TTC38: variants seen among roughly 807,000 people sequenced by gnomAD.
The protein encoded by TTC38 is tetratricopeptide repeat protein 38.
In TTC38, 64 loss-of-function variants were observed where a neutral mutation model predicts 64.2. The observed-to-expected ratio is 1.00, with a 90% CI of 0.81 to 1.23. The LOEUF is 1.23. Among genes scored for constraint, TTC38 ranks in the 50% most tolerant of loss-of-function variants. The pLI is 0.00. For missense variants in TTC38, 573 were observed against 615.5 expected (o/e 0.93, Z 0.73); for synonymous variants, 254 against 249.3 (o/e 1.02, Z -0.18).
Position 46,281,796 on chromosome 22 carries a change from A to G in TTC38, c.735+78A>G. ...GAGTCAGGCCAAGGCTTTATGGACA[A>G]GAGTTACAGGGCATGGCTTAATTCT... On this transcript the variant is annotated intron_variant, in intron 7 of 13. Transcript: ENST00000381031. The surrounding 1 kb of genome is among the most constrained non-coding windows in gnomAD (Gnocchi z 5.2). 1 of 1,588,152 alleles carries G rather than the reference A, an allele frequency of 6.3e-7. No individual in the cohort carries two copies. The highest frequency in any genetic ancestry group is 1.3e-5 in the African/African-American group (1 of 74,576).
chr22:46,289,119 C>T (rs774090377), intron 11 of TTC38, among the ~76,000 whole-genome samples: 18 of 152,224 alleles, frequency 1.2e-4, no homozygotes, highest in Admixed American at 2.6e-4. Flanking sequence ...GCAATCCTGA[C>T]GGTTCTGTTA....
intron 6 of TTC38, among the ~76,000 whole-genome samples, chr22:46,280,659 A>G (rs1006910677): frequency 8.5e-5 from 13 of 152,218 alleles, no homozygotes; most frequent in African/African-American, 2.9e-4. Context: ...GGCTGGGCCC[A>G]CAAAAGCTGA....
chr22:46,280,799 T>G (rs2077528543), intron 6 of TTC38, among the ~76,000 whole-genome samples: 1 of 152,084 alleles, frequency 6.6e-6, no homozygotes, highest in Admixed American at 6.5e-5. Context: ...ACTGAGGCAG[T>G]GGGGCTGGCG....
At chr22:46,280,169 G>A (rs1202730171) in intron 6 of TTC38, 3 of 471,142 alleles carry the variant, frequency 6.4e-6, no homozygotes, top group African/African-American at 6.0e-5. Context: ...TGGGCTCTGT[G>A]TCTGCAGCCC....
At chr22:46,283,014 G>A (rs763516667) in intron 7 of TTC38, among the ~76,000 whole-genome samples, 71 of 152,066 alleles carry the variant, frequency 4.7e-4, no homozygotes, top group Non-Finnish European at 9.1e-4. Flanking sequence ...CCGCAGCCTC[G>A]ACCGCCTGGG....
intron 6 of TTC38, among the ~76,000 whole-genome samples, chr22:46,280,399 C>T (rs1436478847): frequency 6.6e-6 from 1 of 152,224 alleles, no homozygotes; most frequent in Non-Finnish European, 1.5e-5. Flanking sequence ...AGTTTGGACT[C>T]CTTCCCACGG....
rs567606974 is a variant in TTC38, at chr22:46,270,775, A to G, written c.112-1560A>G. Among the ~76,000 whole-genome samples the G allele has an allele frequency of 1.3e-3, 193 of 152,264 alleles. No homozygotes were observed. The highest frequency in any genetic ancestry group is 3.4e-3 in the Middle Eastern group (1 of 294). The stretch of plus-strand genomic sequence containing the variant: ...CTTGAACCAGGGAGGTGGAGGTTGT[A>G]GTGAGCTGAGATAGTGCCACTGCCT... On this transcript the variant is annotated intron_variant, in intron 2 of 13. Transcript: ENST00000381031. The surrounding 1 kb of genome is among the most constrained non-coding windows in gnomAD (Gnocchi z 4.7).
At chr22:46,277,563 C>CCACT (rs1271098366) in intron 5 of TTC38, among the ~76,000 whole-genome samples, 2 of 143,490 alleles carry the variant, frequency 1.4e-5, no homozygotes, top group Non-Finnish European at 3.0e-5. Context: ...TGAGATTGTG[C>CCACT]CACTGCACTC....
Position 46,277,851 on chromosome 22 carries a change from G to C in TTC38, c.540-735G>C, listed in dbSNP as rs115783483. On this transcript the variant is annotated intron_variant, in intron 5 of 13. Coordinates refer to ENST00000381031, the MANE Select transcript of TTC38 (RefSeq NM_017931.4). ...TGTTGACAGCCCACAGGTCACGGAGGCTTCCCAGGGAGGTGCCCCTGGGTC... is the reference window on the plus strand; with the variant it reads ...TGTTGACAGCCCACAGGTCACGGAGCCTTCCCAGGGAGGTGCCCCTGGGTC... Among the ~76,000 whole-genome samples the C allele has an allele frequency of 5.4e-3, 819 of 152,252 alleles. 8 individuals are homozygous for C. Among genetic ancestry groups the C allele is most frequent in the African/African-American group, 0.019 (790 of 41,558 alleles).
Position 46,273,773 on chromosome 22 carries a change from C to A in TTC38, c.194-125C>A. On this transcript the variant is annotated intron_variant, in intron 3 of 13. Transcript: ENST00000381031. The surrounding 1 kb of genome is among the most constrained non-coding windows in gnomAD (Gnocchi z 5.1). ...AGACAGTAGGCAGGGCCACAGTGCC[C>A]AGCCTGCTGCTGCCTGGCTGGCCCC... The A allele has an allele frequency of 1.1e-6, 1 of 911,168 alleles. No homozygotes were observed. Among genetic ancestry groups the A allele is most frequent in the East Asian group, 2.6e-5 (1 of 38,332 alleles). The allele number at this position is 911,168 out of a possible 1,614,324, so 56.4% of individuals were successfully genotyped here.
Position 46,287,168 on chromosome 22 carries a change from C to T in TTC38, c.916+14C>T. The T allele has an allele frequency of 6.3e-7, 1 of 1,592,122 alleles. No individual in the cohort carries two copies. Among genetic ancestry groups the T allele is most frequent in the Non-Finnish European group, 8.6e-7 (1 of 1,167,066 alleles). On this transcript the variant is annotated intron_variant, in intron 10 of 13. Transcript: ENST00000381031. ...TGCAGATGGAAGGTAGCCATCCCTG[C>T]AGCCCCACTGGCTTCTGCCTCTTCC... is the stretch of plus-strand genomic sequence containing the variant.
rs1049728857 is a variant in TTC38, at chr22:46,274,618, G to A, written c.365+549G>A. On this transcript the variant is annotated intron_variant, in intron 4 of 13. Transcript: ENST00000381031. The surrounding 1 kb of genome is among the most constrained non-coding windows in gnomAD (Gnocchi z 4.8). ...TCAGGGATTCCGAACCCTGAGACTGGGGAGGTGCGGCCTGGTCTTCCTGGT... is the reference window on the plus strand; with the variant it reads ...TCAGGGATTCCGAACCCTGAGACTGAGGAGGTGCGGCCTGGTCTTCCTGGT... 6.6e-6 allele frequency among the ~76,000 whole-genome samples: 1 copy of A among 152,206 alleles called. No individual in the cohort carries two copies. The highest frequency in any genetic ancestry group is 6.5e-5 in the Admixed American group (1 of 15,280).
intron 6 of TTC38, among the ~76,000 whole-genome samples, chr22:46,280,837 T>A (rs1402574626): frequency 1.3e-5 from 2 of 152,260 alleles, no homozygotes; most frequent in African/African-American, 4.8e-5. Context: ...ATGGGGGACC[T>A]GGGCACAGGC....
At position 46,287,459 on chromosome 22, in the gene TTC38, A is replaced by G. The variant is rs577740356; in HGVS notation, c.916+305A>G. On this transcript the variant is annotated intron_variant, in intron 10 of 13. Coordinates refer to ENST00000381031, the MANE Select transcript of TTC38 (RefSeq NM_017931.4). ...TGTTCCCATGGCTGGCCTGCCTGCC[A>G]AACCTTCGGGGCACTGGTAGCACCT... Among the ~76,000 whole-genome samples, 53 of 152,372 alleles carry G rather than the reference A, an allele frequency of 3.5e-4. 1 individual carries two copies. Among genetic ancestry groups the G allele is most frequent in the Non-Finnish European group, 5.7e-4 (39 of 68,032 alleles).
At chr22:46,277,697 G>A (rs1467917690) in intron 5 of TTC38, among the ~76,000 whole-genome samples, 2 of 152,060 alleles carry the variant, frequency 1.3e-5, no homozygotes, top group Admixed American at 6.5e-5. Context: ...GGCCTGGGCT[G>A]AGGCTGAGTT....
At position 46,282,621 on chromosome 22, in the gene TTC38, C is replaced by T. The variant is rs145780670; in HGVS notation, c.735+903C>T. 4.6e-4 allele frequency among the ~76,000 whole-genome samples: 70 copies of T among 152,280 alleles called. No homozygotes were observed. Among genetic ancestry groups the T allele is most frequent in the Non-Finnish European group, 7.5e-4 (51 of 68,006 alleles). On this transcript the variant is annotated intron_variant, in intron 7 of 13. Transcript: ENST00000381031. The surrounding 1 kb of genome is among the most constrained non-coding windows in gnomAD (Gnocchi z 4.4). Reference sequence around the variant, plus strand: ...TCTGAGCCTTGCTGCGGAGGATCCTCGGGCCTCCAGATTCGGCTCTGTCAA... The same window carrying T: ...TCTGAGCCTTGCTGCGGAGGATCCTTGGGCCTCCAGATTCGGCTCTGTCAA...
In TTC38 at chr22:46,274,487, G is replaced by T. The variant is rs1188878010; in HGVS notation, c.365+418G>T. 1.3e-5 allele frequency among the ~76,000 whole-genome samples: 2 copies of T among 152,134 alleles called. No homozygotes were observed. The highest frequency in any genetic ancestry group is 4.1e-4 in the South Asian group (2 of 4,830). ...GCACTGACTTTCACATCATCCCCCC[G>T]CTGTTCCTATGCTGGTTCCCTCATT... On this transcript the variant is annotated intron_variant, in intron 4 of 13. Transcript: ENST00000381031. The surrounding 1 kb of genome is among the most constrained non-coding windows in gnomAD (Gnocchi z 4.8).
At chr22:46,288,274 C>A in intron 10 of TTC38, 149 bp from the exon 11 acceptor site, 1 of 703,698 alleles carries the variant, frequency 1.4e-6, no homozygotes, top group Non-Finnish European at 2.4e-6. Flanking sequence ...CAAGGCCAGA[C>A]GCTGCCCGTG....
Position 46,292,880 on chromosome 22 carries a change from A to G in TTC38, c.1406A>G (p.Gln469Arg), listed in dbSNP as rs768589868. The change falls in exon 14 of 14, where the codon CAG (glutamine) becomes CGG (arginine). Residue 469 changes from glutamine (Q) to arginine (R), a missense_variant. Physicochemically the swap from Gln to Arg is conservative, Grantham distance 43. This residue lies in a region of TTC38 where 371 missense variants were observed against 381.8 expected (regional missense o/e 0.97). Coordinates refer to ENST00000381031, the MANE Select transcript of TTC38 (RefSeq NM_017931.4). The surrounding 1 kb of genome is among the most constrained non-coding windows in gnomAD (Gnocchi z 6.5). The stretch of plus-strand genomic sequence containing the variant: ...AAGGCAGCTACCGTCCACCTCATGC[A>G]GTGAGCCAGCCTGGCCGCCTCCACC... ...IRKAATVHLM[Q>R] The G allele has an allele frequency of 1.9e-6, 3 of 1,612,648 alleles. No individual in the cohort carries two copies. Among genetic ancestry groups the G allele is most frequent in the East Asian group, 2.2e-5 (1 of 44,842 alleles).
Sources: allele counts gnomAD v4.1 joint callset (sites outside exome capture counted in the v4.1 genomes callset), GRCh38; gene constraint gnomAD v4.1.1; regional missense constraint gnomAD v4.1.1; non-coding constraint Gnocchi (gnomAD v3.1); transcripts MANE v1.5; gene names NCBI Gene and HGNC (gene_info 2026-07-23, HGNC 2026-07-21).